The following AACS variants were observed in gnomAD, a reference collection of about 807,000 sequenced individuals.
AACS encodes acetoacetate-CoA ligase.
AACS carries 69 observed loss-of-function variants against 83.1 expected under a neutral mutation model. The ratio of observed to expected loss-of-function variants is 0.83; its 90% CI spans 0.68 to 1.01. The LOEUF is 1.01. Ranked by LOEUF, AACS falls within the 50% of genes least tolerant of loss-of-function variation. The pLI is 0.00. For missense variants in AACS, 866 were observed against 882.2 expected (o/e 0.98, Z 0.23); for synonymous variants, 333 against 343.4 (o/e 0.97, Z 0.33).
At chr12:125,095,117 T>G (rs1221631690) in intron 5 of AACS, among the ~76,000 whole-genome samples, 1 of 152,152 alleles carries the variant, frequency 6.6e-6, no homozygotes, top group African/African-American at 2.4e-5. Flanking sequence ...CTTGATTGGT[T>G]GCTAAGCACC....
rs760037809 is a variant in AACS, at chr12:125,076,539, G to T, written c.286G>T (p.Gly96Cys). ...GIADVPEWFK[G>C]SRLNYAENLL... ...CGCAGATGTCCCCGAGTGGTTCAAA[G>T]GCAGTCGGCTCAACTATGCAGAAAA... Residue 96 changes from glycine to cysteine, a missense_variant, in exon 3 of 18, where the codon GGC (glycine) becomes TGC (cysteine). Gly to Cys is a radical substitution (Grantham distance 159). Coordinates refer to ENST00000316519, the MANE Select transcript of AACS (RefSeq NM_023928.5). 2.8e-5 allele frequency: 46 copies of T among 1,614,038 alleles called. No homozygotes were observed. The Admixed American group carries it at 7.5e-4, about 26-fold the overall frequency.
chr12:125,065,862 C>G (rs1483242639), intron 1 of AACS, 145 bp downstream of exon 1: 15 of 1,272,064 alleles, frequency 1.2e-5, no homozygotes, highest in Non-Finnish European at 1.5e-5. Context: ...TGCGGGGTTC[C>G]CCCCAGTCTT....
intron 9 of AACS, among the ~76,000 whole-genome samples, chr12:125,116,554 C>T (rs1177541356): frequency 6.6e-6 from 1 of 152,032 alleles, no homozygotes; most frequent in Non-Finnish European, 1.5e-5. Context: ...AGCTCCACCT[C>T]CCAGGTTCAC....
intron 7 of AACS, among the ~76,000 whole-genome samples, chr12:125,103,507 A>G (rs1398964988): frequency 1.3e-5 from 2 of 152,158 alleles, no homozygotes; most frequent in Non-Finnish European, 2.9e-5. Context: ...ACACGTGCAT[A>G]CGTGCACAGG....
At chr12:125,086,697 A>T (rs1361859675) in intron 4 of AACS, among the ~76,000 whole-genome samples, 3 of 152,106 alleles carry the variant, frequency 2.0e-5, no homozygotes, top group Non-Finnish European at 4.4e-5. Flanking sequence ...AATTCCAGGA[A>T]CATCAAGGGA....
intron 1 of AACS, among the ~76,000 whole-genome samples, chr12:125,067,803 G>A (rs1313886631): frequency 6.6e-6 from 1 of 152,164 alleles, no homozygotes; most frequent in Non-Finnish European, 1.5e-5. Flanking sequence ...CAAAGTGCTG[G>A]GATTACAGGT....
intron 3 of AACS, chr12:125,077,971 A>C: frequency 2.7e-6 from 1 of 367,266 alleles, no homozygotes; most frequent in Non-Finnish European, 5.4e-6. Flanking sequence ...CGGCCTCCTA[A>C]AGTGCTGGGA....
At chr12:125,102,901 T>A (rs771474590) in intron 6 of AACS, 99 bp from the exon 7 acceptor site, 13 of 1,441,600 alleles carry the variant, frequency 9.0e-6, no homozygotes, top group Non-Finnish European at 1.3e-5. Flanking sequence ...TTGTGTTATA[T>A]TCTCTGCCCC....
Position 125,104,752 on chromosome 12 carries a change from G to A in AACS, c.767+1671G>A, listed in dbSNP as rs550534539. Reference sequence around the variant, plus strand: ...GTGACCCTGTGCCAGTAACCTCTCTGAGCCTTGTGTCTCCATCTGTAAAAT... The same window carrying A: ...GTGACCCTGTGCCAGTAACCTCTCTAAGCCTTGTGTCTCCATCTGTAAAAT... On this transcript the variant is annotated intron_variant, in intron 7 of 17. Coordinates refer to ENST00000316519, the MANE Select transcript of AACS (RefSeq NM_023928.5). 2.0e-5 allele frequency among the ~76,000 whole-genome samples: 3 copies of A among 152,358 alleles called. No individual in the cohort carries two copies. The East Asian group carries it at 5.8e-4, about 29-fold the overall frequency.
At chr12:125,114,791 C>A (rs1177166967) in intron 9 of AACS, among the ~76,000 whole-genome samples, 1 of 151,260 alleles carries the variant, frequency 6.6e-6, no homozygotes, top group Non-Finnish European at 1.5e-5. Context: ...TAAGGGCTTC[C>A]CCAGGCGCCG....
intron 2 of AACS, among the ~76,000 whole-genome samples, chr12:125,075,967 G>A (rs1189911536): frequency 1.3e-5 from 2 of 152,102 alleles, no homozygotes; most frequent in African/African-American, 4.8e-5. Flanking sequence ...AATAAATATC[G>A]GGAAAAAGGG....
At position 125,089,392 on chromosome 12, in the gene AACS, C is replaced by T. The variant is rs531481734; in HGVS notation, c.473-2034C>T. Among the ~76,000 whole-genome samples the T allele has an allele frequency of 1.6e-4, 24 of 152,258 alleles. No individual in the cohort carries two copies. In the South Asian group the frequency reaches 4.6e-3, roughly 29 times the overall value. ...GGGGCACACCTGGGTAGCTGCACCT[C>T]GCTCTGATGAGGCCTTGTTCATGGC... On this transcript the variant is annotated intron_variant, in intron 4 of 17. Coordinates refer to ENST00000316519, the MANE Select transcript of AACS (RefSeq NM_023928.5).
chr12:125,098,952 G>A (rs1956667638), intron 5 of AACS, among the ~76,000 whole-genome samples: 1 of 152,194 alleles, frequency 6.6e-6, no homozygotes. Flanking sequence ...AGGTGGGGGT[G>A]TTCGGCACAG....
intron 8 of AACS, among the ~76,000 whole-genome samples, chr12:125,107,638 G>A (rs564434893): frequency 4.6e-5 from 7 of 152,320 alleles, no homozygotes; most frequent in African/African-American, 1.7e-4. Context: ...ATTTTAAAAA[G>A]AACGAATCAG....
At chr12:125,103,109 TC>T (rs1343523817) in intron 7 of AACS, 28 bp downstream of exon 7, 2 of 1,598,306 alleles carry the variant, frequency 1.3e-6, no homozygotes, top group Non-Finnish European at 1.7e-6. Context: ...GACCCACAGG[TC>T]CGTGTGGACC....
chr12:125,088,122 C>G (rs866138775), intron 4 of AACS, among the ~76,000 whole-genome samples: 3 of 152,150 alleles, frequency 2.0e-5, no homozygotes, highest in African/African-American at 7.2e-5. Flanking sequence ...TTGTTTTCTC[C>G]TCACTGCTGT....
chr12:125,074,378 C>T (rs1240215961), intron 2 of AACS, among the ~76,000 whole-genome samples: 1 of 151,698 alleles, frequency 6.6e-6, no homozygotes, highest in Non-Finnish European at 1.5e-5. Context: ...ATAGCAAGAC[C>T]CTGTCTTCAA....
At position 125,136,952 on chromosome 12, in the gene AACS, C is replaced by T. The variant is rs575735116; in HGVS notation, c.1881+88C>T. ...GGGCGCTTACATCTGAGCAGCTTGC[C>T]GGTGCTTTATATATCGTTTGTCCAC... is the stretch of plus-strand genomic sequence containing the variant. On this transcript the variant is annotated intron_variant, in intron 17 of 17. Coordinates refer to ENST00000316519, the MANE Select transcript of AACS (RefSeq NM_023928.5). 4.1e-5 allele frequency: 57 copies of T among 1,385,956 alleles called. 1 individual carries two copies. The highest frequency in any genetic ancestry group is 3.4e-4 in the South Asian group (27 of 78,812). 85.9% of individuals were successfully genotyped at this position (1,385,956 alleles called of 1,614,324 possible).
chr12:125,134,233 G>A (rs1232965773), intron 15 of AACS, among the ~76,000 whole-genome samples, 161 bp downstream of exon 15: 6 of 151,956 alleles, frequency 3.9e-5, no homozygotes, highest in Non-Finnish European at 8.8e-5. Context: ...CTCTGCTGGT[G>A]TCTGGGACCC....
Sources: gnomAD v4.1 joint callset for allele counts (sites outside exome capture counted in the v4.1 genomes callset) on GRCh38, gnomAD v4.1.1 for gene constraint, MANE v1.5 for transcripts, NCBI Gene and HGNC (gene_info 2026-07-23, HGNC 2026-07-21) for gene names.